The following MSANTD3 variants were observed in gnomAD, a reference collection of about 807,000 sequenced individuals.
MSANTD3 encodes the protein Myb/SANT DNA binding domain containing 3, also known as myb/SANT-like DNA-binding domain-containing protein 3.
A neutral mutation model predicts 27.7 loss-of-function variants in MSANTD3; 11 were observed. The ratio of observed to expected loss-of-function variants is 0.40; its 90% CI spans 0.25 to 0.66. The LOEUF is 0.66. Among genes scored for constraint, MSANTD3 ranks in the 30% least tolerant of loss-of-function variants. MSANTD3 has a pLI of 0.41. For missense variants in MSANTD3, 250 were observed against 336.5 expected (o/e 0.74, Z 2.01); for synonymous variants, 131 against 127.2 (o/e 1.03, Z -0.20).
chr9:100,446,113 A>C (rs1836745751), intron 2 of MSANTD3, among the ~76,000 whole-genome samples: 1 of 152,224 alleles, frequency 6.6e-6, no homozygotes, highest in Non-Finnish European at 1.5e-5. Context: ...AATACATTTA[A>C]GAAAACTAAG....
chr9:100,442,492 T>C, intron 2 of MSANTD3, 136 bp downstream of exon 2: 1 of 1,378,562 alleles, frequency 7.3e-7, no homozygotes, highest in Non-Finnish European at 9.6e-7. Context: ...ATTCAAGATC[T>C]CAGGATTATA....
At chr9:100,446,178 A>G (rs73655550) in intron 2 of MSANTD3, among the ~76,000 whole-genome samples, 21,492 of 152,216 alleles carry the variant, frequency 0.14, 1,768 homozygotes, top group Middle Eastern at 0.2. Context: ...TTCACATTCT[A>G]TGCTCTAAAG....
chr9:100,432,329 A>G (rs1836394640), intron 1 of MSANTD3, among the ~76,000 whole-genome samples: 1 of 152,172 alleles, frequency 6.6e-6, no homozygotes, highest in African/African-American at 2.4e-5. Flanking sequence ...AGGTATGTAC[A>G]TGTGCAGGCA....
intron 2 of MSANTD3, chr9:100,449,275 T>C: frequency 1.0e-6 from 1 of 984,550 alleles, no homozygotes; most frequent in Non-Finnish European, 1.2e-6. Flanking sequence ...CTACCAAACG[T>C]GGTATCCTTT....
chr9:100,446,802 G>A (rs558571431), intron 2 of MSANTD3, among the ~76,000 whole-genome samples: 124 of 151,280 alleles, frequency 8.2e-4, no homozygotes, highest in Admixed American at 2.6e-3. Context: ...ACTCCAGACT[G>A]GGTGACAGAG....
intron 2 of MSANTD3, among the ~76,000 whole-genome samples, chr9:100,446,303 T>C (rs1314495460): frequency 6.6e-6 from 1 of 152,222 alleles, no homozygotes; most frequent in Non-Finnish European, 1.5e-5. Context: ...CTTCCAGTCA[T>C]GGCACCCCAG....
chr9:100,432,173 G>T (rs984173152), intron 1 of MSANTD3, among the ~76,000 whole-genome samples: 1 of 152,186 alleles, frequency 6.6e-6, no homozygotes, highest in Non-Finnish European at 1.5e-5. Flanking sequence ...TTACATGGCT[G>T]CCTGGAGTGG....
chr9:100,437,461 A>G (rs2118203532), intron 1 of MSANTD3, among the ~76,000 whole-genome samples: 1 of 152,318 alleles, frequency 6.6e-6, no homozygotes, highest in South Asian at 2.1e-4. Context: ...ACTGAGCCAC[A>G]GTTTTCTTAT....
intron 1 of MSANTD3, among the ~76,000 whole-genome samples, chr9:100,435,894 T>G (rs1836468711): frequency 6.6e-6 from 1 of 152,224 alleles, no homozygotes; most frequent in Non-Finnish European, 1.5e-5. Context: ...GACACAGACA[T>G]TTAGTCCATA....
rs1476700426 is a variant in MSANTD3, at chr9:100,450,762, AC to A, written c.625del (p.Gln209AsnfsTer4). 1 of 1,614,032 alleles carries A rather than the reference AC, an allele frequency of 6.2e-7. No homozygotes were observed. The highest frequency in any genetic ancestry group is 2.2e-5 in the East Asian group (1 of 44,902). ...EEHHQQMSIL[Q>X]LQLIQMNEVH... is the part of the protein sequence containing the mutation. Reference sequence around the variant, plus strand: ...AACACCATCAACAAATGTCCATCTTACAACTGCAACTGATACAAATGAATGA... The same window carrying A: ...AACACCATCAACAAATGTCCATCTTAAACTGCAACTGATACAAATGAATGA... On this transcript the variant is annotated frameshift_variant, in exon 3 of 3. Coordinates refer to ENST00000395067, the MANE Select transcript of MSANTD3 (RefSeq NM_080655.3). LOFTEE classifies it high-confidence loss of function.
At chr9:100,438,265 T>C (rs531354397) in intron 1 of MSANTD3, among the ~76,000 whole-genome samples, 6 of 152,286 alleles carry the variant, frequency 3.9e-5, no homozygotes, top group Admixed American at 3.9e-4. Flanking sequence ...AATAGGGAGA[T>C]GGACATGCTC....
intron 2 of MSANTD3, among the ~76,000 whole-genome samples, chr9:100,445,664 C>G (rs541655087): frequency 6.6e-6 from 1 of 152,188 alleles, no homozygotes; most frequent in East Asian, 1.9e-4. Context: ...GTACCTGTTA[C>G]AGAATTAGGT....
At chr9:100,439,921 TAAG>T (rs1836564680) in intron 1 of MSANTD3, among the ~76,000 whole-genome samples, 1 of 152,090 alleles carries the variant, frequency 6.6e-6, no homozygotes, top group African/African-American at 2.4e-5. Context: ...TTGGAGAATG[TAAG>T]AAGGACTGGG....
chr9:100,434,487 G>A (rs1300722923), intron 1 of MSANTD3, among the ~76,000 whole-genome samples: 3 of 152,066 alleles, frequency 2.0e-5, no homozygotes, highest in Non-Finnish European at 2.9e-5. Context: ...CCGAGATCAC[G>A]CCACTCTACT....
At chr9:100,442,402 T>C in intron 2 of MSANTD3, 46 bp downstream of exon 2, 2 of 1,530,640 alleles carry the variant, frequency 1.3e-6, no homozygotes, top group Non-Finnish European at 1.7e-6. Context: ...TGGGTATCTG[T>C]TTGACATTTT....
At chr9:100,445,852 C>G (rs1564251508) in intron 2 of MSANTD3, among the ~76,000 whole-genome samples, 1 of 152,198 alleles carries the variant, frequency 6.6e-6, no homozygotes, top group Non-Finnish European at 1.5e-5. Flanking sequence ...AAATGTCCAT[C>G]TGCATTCGAA....
intron 2 of MSANTD3, among the ~76,000 whole-genome samples, chr9:100,450,291 T>C (rs1836854406): frequency 6.6e-6 from 1 of 152,208 alleles, no homozygotes; most frequent in Admixed American, 6.5e-5. Flanking sequence ...TAAAAATGGT[T>C]TCTGACCACG....
At chr9:100,430,549 G>A (rs1262101386) in intron 1 of MSANTD3, among the ~76,000 whole-genome samples, 1 of 152,114 alleles carries the variant, frequency 6.6e-6, no homozygotes, top group African/African-American at 2.4e-5. Flanking sequence ...TGGGAGAGAC[G>A]TCTGAGGTTT....
intron 1 of MSANTD3, among the ~76,000 whole-genome samples, chr9:100,433,404 C>CT (rs550258716): frequency 7.6e-4 from 115 of 152,186 alleles, no homozygotes; most frequent in Non-Finnish European, 1.3e-3. Flanking sequence ...GGGTCTTGCT[C>CT]TGTCACCCTG....
Sources: allele counts gnomAD v4.1 joint callset (sites outside exome capture counted in the v4.1 genomes callset), GRCh38; gene constraint gnomAD v4.1.1; transcripts MANE v1.5; gene names NCBI Gene and HGNC (gene_info 2026-07-23, HGNC 2026-07-21).